Variants in ISLR2 observed in about 807,000 individuals in gnomAD.
ISLR2 encodes immunoglobulin superfamily containing leucine-rich repeat protein 2.
ISLR2 carries 16 observed loss-of-function variants against 25.5 expected under a neutral mutation model. The ratio of observed to expected loss-of-function variants is 0.63; its 90% confidence interval spans 0.43 to 0.95. The LOEUF (loss-of-function observed/expected upper bound fraction) is 0.95. Among genes scored for constraint, ISLR2 ranks in the 40% least tolerant of loss-of-function variants. The pLI is 0.00. For missense variants in ISLR2, 883 were observed against 1,030.7 expected (o/e 0.86, Z 1.96); for synonymous variants, 508 against 486.6 (o/e 1.04, Z -0.58).
intron 2 of ISLR2, among the ~76,000 whole-genome samples, chr15:74,112,529 C>CTT (rs537213682): frequency 3.5e-5 from 5 of 141,936 alleles, no homozygotes; most frequent in Admixed American, 7.1e-5. Flanking sequence ...TATGGGTCTG[C>CTT]TTTTTTTTTT....
At chr15:74,120,579 G>A (rs1052398492) in intron 2 of ISLR2, among the ~76,000 whole-genome samples, 1 of 151,920 alleles carries the variant, frequency 6.6e-6, no homozygotes, top group Non-Finnish European at 1.5e-5. Flanking sequence ...GGTAGGTGAG[G>A]GGGGTGTGGC....
chr15:74,107,885 TG>T (rs1298173310), intron 2 of ISLR2, among the ~76,000 whole-genome samples: 1 of 152,166 alleles, frequency 6.6e-6, no homozygotes, highest in Non-Finnish European at 1.5e-5. Context: ...CAGGTACACC[TG>T]GGCAGAGAAG....
At chr15:74,123,155 T>C (rs909898297), upstream of ISLR2, among the ~76,000 whole-genome samples, 5 of 151,988 alleles carry the variant, frequency 3.3e-5, no homozygotes, top group African/African-American at 7.3e-5. Context: ...GCAGGAAGAC[T>C]CCCTCTGCCC....
At chr15:74,122,256 C>T (rs1487165228) in intron 2 of ISLR2, among the ~76,000 whole-genome samples, 1 of 152,264 alleles carries the variant, frequency 6.6e-6, no homozygotes, top group Non-Finnish European at 1.5e-5. Flanking sequence ...AGGCCCCAAA[C>T]TCTGATGCTG....
rs915758256 is a variant in ISLR2, at chr15:74,135,477, CT to C, written c.*494del. On this transcript the variant is annotated 3_prime_UTR_variant, in exon 3 of 3. Transcript: ENST00000453268. The stretch of plus-strand genomic sequence containing the variant: ...CCCTCCTCCTCCCTTTCTTTCTTTC[CT>C]TTTTTTTTATTTTTTAATTTTATTT... 12 of 166,794 alleles carry C rather than the reference CT, an allele frequency of 7.2e-5. No homozygotes were observed. Among genetic ancestry groups the C allele is most frequent in the South Asian group, 4.2e-4 (2 of 4,786 alleles). 10.3% of individuals were successfully genotyped at this position (166,794 alleles called of 1,614,324 possible). A position where few individuals can be genotyped will look rare whatever the true frequency, so the allele number is the denominator to read the frequency against.
At chr15:74,129,411 C>T (rs1000762644), upstream of ISLR2, 12 of 195,230 alleles carry the variant, frequency 6.1e-5, no homozygotes, top group Non-Finnish European at 1.1e-4. The surrounding 1 kb of genome is among the most constrained non-coding windows in gnomAD (Gnocchi z 4.5). Context: ...AAGCCCCAAA[C>T]CCTCGCCATC....
downstream of ISLR2, among the ~76,000 whole-genome samples, chr15:74,141,165 C>A (rs1013128612): frequency 6.6e-6 from 1 of 152,298 alleles, no homozygotes; most frequent in Non-Finnish European, 1.5e-5. Context: ...TTTGTTTGAA[C>A]ATGTGAATGT....
upstream of ISLR2, chr15:74,128,683 C>T (rs1205830024): frequency 2.2e-6 from 1 of 455,882 alleles, no homozygotes; most frequent in South Asian, 1.5e-5. Flanking sequence ...GGGCCTTGAG[C>T]CTCCCCGCCT....
chr15:74,140,508 T>A (rs1006717809), downstream of ISLR2, among the ~76,000 whole-genome samples: 1 of 152,024 alleles, frequency 6.6e-6, no homozygotes, highest in Non-Finnish European at 1.5e-5. Context: ...CAACAGGAGG[T>A]GTCGCCTGCA....
chr15:74,119,945 A>G (rs1409141710), intron 2 of ISLR2, among the ~76,000 whole-genome samples: 1 of 152,166 alleles, frequency 6.6e-6, no homozygotes, highest in Non-Finnish European at 1.5e-5. Flanking sequence ...AGCGTTTTCT[A>G]TTACCTCCAG....
intron 2 of ISLR2, among the ~76,000 whole-genome samples, chr15:74,117,932 G>A (rs2072223435): frequency 6.6e-6 from 1 of 152,178 alleles, no homozygotes; most frequent in African/African-American, 2.4e-5. Context: ...TCTCATGGCA[G>A]CATCTCCTCT....
chr15:74,134,081 G>C lies in ISLR2; in HGVS notation c.1327G>C (p.Glu443Gln), dbSNP rs770509653. Residue 443 changes from glutamate (E) to glutamine (Q), a missense_variant, in exon 3 of 3, where the codon GAG becomes CAG. Transcript: ENST00000453268. ...GCCGGAGGAGGACACAAGTGAGGGA[G>C]AGGAGGCCGAAGACCAGATCCTCGC... ...TEPEEDTSEG[E>Q]EAEDQILADP... The C allele has an allele frequency of 1.9e-6, 3 of 1,613,704 alleles. No individual in the cohort carries two copies. Among genetic ancestry groups the C allele is most frequent in the Admixed American group, 1.7e-5 (1 of 59,992 alleles).
chr15:74,129,101 G>A (rs75640427), upstream of ISLR2: 1,508 of 455,742 alleles, frequency 3.3e-3, 6 homozygotes, highest in Non-Finnish European at 5.1e-3. The surrounding 1 kb of genome is among the most constrained non-coding windows in gnomAD (Gnocchi z 4.5). Flanking sequence ...TGGGTCGGCG[G>A]GGGGGGACTC....
At chr15:74,124,077 A>G (rs1169475290), upstream of ISLR2, among the ~76,000 whole-genome samples, 1 of 151,710 alleles carries the variant, frequency 6.6e-6, no homozygotes, top group Non-Finnish European at 1.5e-5. Context: ...GAAGTTGGTC[A>G]CACACACTGC....
chr15:74,137,397 G>C (rs1251365858), downstream of ISLR2, among the ~76,000 whole-genome samples: 5 of 152,236 alleles, frequency 3.3e-5, no homozygotes, highest in Admixed American at 2.0e-4. Context: ...GGCACGTTTG[G>C]CCTGGGAGCC....
chr15:74,140,155 T>C (rs1386108759), downstream of ISLR2, among the ~76,000 whole-genome samples: 2 of 152,020 alleles, frequency 1.3e-5, no homozygotes, highest in Admixed American at 6.6e-5. Context: ...TAAAGTCCAT[T>C]AATATAAAAG....
chr15:74,111,868 G>A (rs1362885356), intron 2 of ISLR2, among the ~76,000 whole-genome samples: 2 of 152,118 alleles, frequency 1.3e-5, no homozygotes, highest in African/African-American at 2.4e-5. Flanking sequence ...GGGGATTTTC[G>A]TGGTGGTAGA....
intron 2 of ISLR2, among the ~76,000 whole-genome samples, chr15:74,120,200 G>T (rs532476598): frequency 6.6e-6 from 1 of 152,168 alleles, no homozygotes; most frequent in African/African-American, 2.4e-5. Context: ...GGGTGTAAAT[G>T]ACTCCCACCA....
intron 2 of ISLR2, among the ~76,000 whole-genome samples, chr15:74,118,419 A>G (rs185143471): frequency 0.01 from 1,562 of 152,296 alleles, 22 homozygotes; most frequent in African/African-American, 0.035. Flanking sequence ...ATTGTCATTG[A>G]TAACATCTTA....
Sources: gnomAD v4.1 joint callset for allele counts (sites outside exome capture counted in the v4.1 genomes callset) on GRCh38, gnomAD v4.1.1 for gene constraint, Gnocchi (gnomAD v3.1) non-coding constraint, MANE v1.5 for transcripts, NCBI Gene and HGNC (gene_info 2026-07-23, HGNC 2026-07-21) for gene names.